CAMK1D: variants seen among roughly 807,000 people sequenced by gnomAD.
The protein encoded by CAMK1D is calcium/calmodulin dependent protein kinase ID, also known as calcium/calmodulin-dependent protein kinase type 1D.
In CAMK1D, 9 loss-of-function variants were observed where a neutral mutation model predicts 47.7. The observed-to-expected ratio is 0.19, with a 90% CI of 0.11 to 0.33. CAMK1D has a LOEUF of 0.33. Among genes scored for constraint, CAMK1D ranks in the 10% least tolerant of loss-of-function variants. CAMK1D has a pLI of 1.00. For missense variants in CAMK1D, 291 were observed against 488.7 expected (o/e 0.60, Z 3.81); for synonymous variants, 184 against 184.9 (o/e 0.99, Z 0.04).
At chr10:12,544,892 G>A (rs1255310469) in intron 1 of CAMK1D, among the ~76,000 whole-genome samples, 1 of 152,114 alleles carries the variant, frequency 6.6e-6, no homozygotes, top group African/African-American at 2.4e-5. Flanking sequence ...TACTAGTGTT[G>A]AGTGGATGGT....
chr10:12,542,918 G>A (rs1017431199), intron 1 of CAMK1D, among the ~76,000 whole-genome samples: 51 of 152,188 alleles, frequency 3.4e-4, no homozygotes, highest in African/African-American at 1.2e-3. Flanking sequence ...GCTCATTTTT[G>A]TATTTTAGGT....
intron 2 of CAMK1D, among the ~76,000 whole-genome samples, chr10:12,632,629 T>TC (rs751275238): frequency 6.6e-6 from 1 of 152,214 alleles, no homozygotes; most frequent in Non-Finnish European, 1.5e-5. Context: ...AATATGAAAC[T>TC]CCAAGAGTTT....
chr10:12,551,361 G>A (rs2132268728), intron 1 of CAMK1D, among the ~76,000 whole-genome samples: 1 of 152,300 alleles, frequency 6.6e-6, no homozygotes, highest in East Asian at 1.9e-4. Context: ...CCCCAGATGG[G>A]ACCGACTAGT....
At chr10:12,785,385 C>G (rs1210127742) in intron 5 of CAMK1D, among the ~76,000 whole-genome samples, 1 of 152,190 alleles carries the variant, frequency 6.6e-6, no homozygotes, top group Non-Finnish European at 1.5e-5. Context: ...TCCAAATAAG[C>G]AAGAACTCAA....
chr10:12,673,274 C>T (rs1036171419), intron 3 of CAMK1D, among the ~76,000 whole-genome samples: 5 of 151,890 alleles, frequency 3.3e-5, no homozygotes, highest in African/African-American at 1.2e-4. Context: ...AAACATGTAG[C>T]CTTTTGATTA....
Position 12,703,596 on chromosome 10 carries a change from C to T in CAMK1D, c.299+36786C>T, listed in dbSNP as rs139728906. Among the ~76,000 whole-genome samples, 15 of 152,262 alleles carry T rather than the reference C, an allele frequency of 9.9e-5. No homozygotes were observed. In the East Asian group the frequency reaches 2.1e-3, roughly 22 times the overall value. ...AAGACAAATTTGAGTGGGCCGGGCG[C>T]GGTGGCTCATGCCTGTAAACCCAGC... On this transcript the variant is annotated intron_variant, in intron 3 of 10. Coordinates refer to ENST00000619168, the MANE Select transcript of CAMK1D (RefSeq NM_153498.4).
intron 3 of CAMK1D, among the ~76,000 whole-genome samples, chr10:12,726,184 G>A (rs1588853042): frequency 6.6e-6 from 1 of 151,964 alleles, no homozygotes; most frequent in Non-Finnish European, 1.5e-5. Context: ...CCATTACTTT[G>A]GGAGGCCTAG....
In CAMK1D at chr10:12,556,770, A is replaced by C. The variant is rs537116394; in HGVS notation, c.224+3414A>C. On this transcript the variant is annotated intron_variant, in intron 2 of 10. Transcript: ENST00000619168. ...TCGGAGGGTTTTGATGAAAGGAGCA[A>C]CATGATCAAGATTAATTTTTGAAGA... Among the ~76,000 whole-genome samples the C allele has an allele frequency of 1.2e-4, 19 of 152,342 alleles. No individual in the cohort carries two copies. The East Asian group carries it at 3.1e-3, about 25-fold the overall frequency.
chr10:12,793,422 G>T (rs1838067248), intron 6 of CAMK1D, among the ~76,000 whole-genome samples: 1 of 152,218 alleles, frequency 6.6e-6, no homozygotes. Context: ...GTTGACAGAT[G>T]CTGCCAGATG....
intron 3 of CAMK1D, among the ~76,000 whole-genome samples, chr10:12,735,921 G>T (rs1166653901): frequency 6.6e-6 from 1 of 152,168 alleles, no homozygotes; most frequent in Non-Finnish European, 1.5e-5. Context: ...AGCTGATTTT[G>T]ATTGAAATTC....
chr10:12,790,841 T>A (rs2482041), intron 5 of CAMK1D, among the ~76,000 whole-genome samples: 2 of 151,884 alleles, frequency 1.3e-5, no homozygotes, highest in Non-Finnish European at 2.9e-5. Context: ...AAAAAGAAAA[T>A]AAAAATTAGC....
At chr10:12,752,504 T>A (rs1240404977) in intron 3 of CAMK1D, among the ~76,000 whole-genome samples, 1 of 152,180 alleles carries the variant, frequency 6.6e-6, no homozygotes, top group Non-Finnish European at 1.5e-5. Context: ...GCACACTCTT[T>A]GAGTGATTGT....
chr10:12,816,383 G>C, intron 8 of CAMK1D, 55 bp downstream of exon 8: 1 of 1,384,972 alleles, frequency 7.2e-7, no homozygotes, highest in Non-Finnish European at 1.0e-6. Flanking sequence ...TCTGGGGGGG[G>C]CACGAAACTT....
intron 2 of CAMK1D, among the ~76,000 whole-genome samples, chr10:12,576,740 C>T (rs1387905754): frequency 6.6e-6 from 1 of 152,230 alleles, no homozygotes; most frequent in Non-Finnish European, 1.5e-5. Flanking sequence ...GCTCACTTGC[C>T]TACCACTCAC....
intron 2 of CAMK1D, among the ~76,000 whole-genome samples, chr10:12,597,626 G>A (rs906642694): frequency 3.9e-5 from 6 of 152,192 alleles, no homozygotes; most frequent in African/African-American, 1.4e-4. Context: ...CATTGAGGGC[G>A]TTGTGGGGAG....
chr10:12,450,225 C>A (rs1833044991), intron 1 of CAMK1D, among the ~76,000 whole-genome samples: 1 of 152,106 alleles, frequency 6.6e-6, no homozygotes. Flanking sequence ...ATTATCACAA[C>A]TAATACAATT....
At chr10:12,811,779 G>A (rs1203842671) in intron 6 of CAMK1D, among the ~76,000 whole-genome samples, 1 of 152,164 alleles carries the variant, frequency 6.6e-6, no homozygotes, top group Non-Finnish European at 1.5e-5. Context: ...TTTTCTCCAA[G>A]ATGAACTAAC....
intron 1 of CAMK1D, among the ~76,000 whole-genome samples, chr10:12,499,206 T>A (rs1187734820): frequency 6.6e-6 from 1 of 152,044 alleles, no homozygotes; most frequent in Non-Finnish European, 1.5e-5. Flanking sequence ...AGTTCTTTCC[T>A]ATGTGGTTTT....
At chr10:12,712,124 A>G (rs184560031) in intron 3 of CAMK1D, among the ~76,000 whole-genome samples, 46 of 152,364 alleles carry the variant, frequency 3.0e-4, no homozygotes, top group African/African-American at 1.1e-3. Flanking sequence ...TACAAAGGAC[A>G]TAGCAGATGT....
Sources: allele counts gnomAD v4.1 joint callset (sites outside exome capture counted in the v4.1 genomes callset), GRCh38; gene constraint gnomAD v4.1.1; transcripts MANE v1.5; gene names NCBI Gene and HGNC (gene_info 2026-07-23, HGNC 2026-07-21).